Variants in ARHGEF2 observed in about 807,000 individuals in gnomAD.
The protein encoded by ARHGEF2 is rho guanine nucleotide exchange factor 2.
A neutral mutation model predicts 121.0 loss-of-function variants in ARHGEF2; 22 were observed. The ratio of observed to expected loss-of-function variants is 0.18; its 90% CI spans 0.13 to 0.26. The LOEUF (loss-of-function observed/expected upper bound fraction) is 0.26, where lower values mean the gene tolerates loss of function less well. Among genes scored for constraint, ARHGEF2 ranks in the 10% least tolerant of loss-of-function variants. The pLI, the probability that ARHGEF2 is intolerant of heterozygous loss-of-function variation, is 1.00. For missense variants in ARHGEF2, 907 were observed against 1,336.0 expected, an observed-to-expected ratio of 0.68 and a Z score of 5.01; for synonymous variants, 487 against 530.0, an observed-to-expected ratio of 0.92 and a Z score of 1.11.
Position 155,962,542 on chromosome 1 carries a change from G to A in ARHGEF2, c.1101+51C>T. The A allele has an allele frequency of 8.7e-6, 14 of 1,604,842 alleles. No homozygotes were observed. Among genetic ancestry groups the A allele is most frequent in the Non-Finnish European group, 1.1e-5 (13 of 1,175,904 alleles). On this transcript the variant is annotated intron_variant, in intron 9 of 21. Coordinates refer to ENST00000361247, the MANE Select transcript of ARHGEF2 (RefSeq NM_001162383.2). This position sits in a 1 kb window ranked among gnomAD's most constrained non-coding sequence, Gnocchi z 5.8. ...CTCACAGGCACTACCCCCATGAGTT[G>A]GGGAGGGTGGGTTTGGGCCATGAGC...
chr1:155,962,105 C>T lies in ARHGEF2; in HGVS notation c.1219G>A (p.Gly407Arg), dbSNP rs773569302. 23 of 1,614,026 alleles carry T rather than the reference C, an allele frequency of 1.4e-5. No individual in the cohort carries two copies. Among genetic ancestry groups the T allele is most frequent in the East Asian group, 2.2e-5 (1 of 44,888 alleles). The change falls in exon 10 of 22, where the codon GGG becomes AGG. Residue 407 changes from glycine to arginine, a missense_variant and splice_region_variant. Physicochemically the swap from Gly to Arg is moderately radical, Grantham distance 125. Coordinates refer to ENST00000361247, the MANE Select transcript of ARHGEF2 (RefSeq NM_001162383.2). The surrounding 1 kb of genome is among the most constrained non-coding windows in gnomAD (Gnocchi z 5.8). ...LISRILQHSH[G>R]IEEERQDLTT... Reference sequence around the variant, plus strand: ...CCCTCTCCTGGGCCTGCCTACTCACCGTGGGAATGCTGCAGGATGCGGCTG... The same window carrying T: ...CCCTCTCCTGGGCCTGCCTACTCACTGTGGGAATGCTGCAGGATGCGGCTG...
rs986408228 is a variant in ARHGEF2, at chr1:155,978,298, C to T, written c.63+67G>A. ...AGCAGGCGGGGAGACAGGAGATGCA[C>T]CGCGGGTGCCGGGGTTCGGGGAGCA... On this transcript the variant is annotated intron_variant, in intron 1 of 21. Transcript: ENST00000361247. This position sits in a 1 kb window ranked among gnomAD's most constrained non-coding sequence, Gnocchi z 4.1. The T allele has an allele frequency of 7.1e-6, 10 of 1,402,136 alleles. No homozygotes were observed. The African/African-American group carries it at 1.3e-4, about 19-fold the overall frequency. 86.9% of individuals were successfully genotyped at this position (1,402,136 alleles called of 1,614,324 possible). A position where few individuals can be genotyped will look rare whatever the true frequency, so the allele number is the denominator to read the frequency against.
chr1:155,962,833 C>A lies in ARHGEF2; in HGVS notation c.975+100G>T. 5.6e-6 allele frequency: 9 copies of A among 1,596,830 alleles called. No individual in the cohort carries two copies. Among genetic ancestry groups the A allele is most frequent in the Non-Finnish European group, 7.7e-6 (9 of 1,170,046 alleles). The stretch of plus-strand genomic sequence containing the variant: ...CTGGCTTCCTGTTTCTCCAGCTCTC[C>A]CTGGCTCCCCTCCAACCCCTAGAAT... On this transcript the variant is annotated intron_variant, in intron 8 of 21. Transcript: ENST00000361247. The surrounding 1 kb of genome is among the most constrained non-coding windows in gnomAD (Gnocchi z 5.8).
rs552550543 is a variant in ARHGEF2, at chr1:155,963,932, G to A, written c.725-749C>T. Among the ~76,000 whole-genome samples the A allele has an allele frequency of 8.6e-5, 13 of 150,742 alleles. No individual in the cohort carries two copies. The South Asian group carries it at 2.7e-3, about 32-fold the overall frequency. ...GGCCGAGGCGGGTGCATCACCTGAG[G>A]TCAGGTGTTCGAGACCAGCTTGGCC... On this transcript the variant is annotated intron_variant, in intron 7 of 21. Coordinates refer to ENST00000361247, the MANE Select transcript of ARHGEF2 (RefSeq NM_001162383.2).
Position 155,952,717 on chromosome 1 carries a change from G to A in ARHGEF2, c.1895C>T (p.Ala632Val). The change falls in exon 15 of 22, where the codon GCC becomes GTC. Residue 632 changes from alanine (A) to valine (V), a missense_variant. This residue lies in a region of ARHGEF2 where 432 missense variants were observed against 559.5 expected (regional missense o/e 0.77). Transcript: ENST00000361247. Reference sequence around the variant, plus strand: ...AAGGCCCCTGGGCAGGGTGGGCAGGGCCATCCCACTGCCACCATCCTCTTC... The same window carrying A: ...AAGGCCCCTGGGCAGGGTGGGCAGGACCATCCCACTGCCACCATCCTCTTC... The part of the protein sequence containing the change: ...QAEEDGGSGM[A>V]LPTLPRGLFR... 5 of 1,614,216 alleles carry A rather than the reference G, an allele frequency of 3.1e-6. No homozygotes were observed. In the South Asian group the frequency reaches 3.3e-5, roughly 11 times the overall value.
Position 155,966,445 on chromosome 1 carries a change from G to A in ARHGEF2, c.311C>T (p.Ala104Val). The A allele has an allele frequency of 6.2e-7, 1 of 1,614,154 alleles. No homozygotes were observed. Among genetic ancestry groups the A allele is most frequent in the Non-Finnish European group, 8.5e-7 (1 of 1,180,004 alleles). ...QKAALLKNNT[A>V]LQSVSLRSKT... ...ACTTCGAAGAGAAACGGACTGCAAG[G>A]CGGTGTTGTTCTTCAGCAGGGCCGC... Residue 104 changes from alanine (A) to valine (V), a missense_variant, in exon 4 of 22, where the codon GCC (alanine) becomes GTC (valine). By Grantham distance (64) the Ala-to-Val change is moderately conservative. Around this residue, in one of 2 missense-constraint regions of ARHGEF2, gnomAD observed 475 missense variants for 776.5 expected, o/e 0.61. Coordinates refer to ENST00000361247, the MANE Select transcript of ARHGEF2 (RefSeq NM_001162383.2).
intron 11 of ARHGEF2, among the ~76,000 whole-genome samples, chr1:155,959,502 C>T (rs924030192): frequency 1.4e-4 from 21 of 151,672 alleles, no homozygotes; most frequent in Non-Finnish European, 2.8e-4. Context: ...CCTGCCTTGG[C>T]CTGCCGAAGT....
intron 1 of ARHGEF2, chr1:155,972,374 T>C (rs1477231868): frequency 4.4e-6 from 2 of 450,546 alleles, no homozygotes; most frequent in Non-Finnish European, 9.0e-6. Context: ...CTAGTGCTAT[T>C]GTCCCGGAGG....
chr1:155,965,464 T>C lies in ARHGEF2; in HGVS notation c.471-52A>G, dbSNP rs1265907457. The C allele has an allele frequency of 6.2e-7, 1 of 1,602,282 alleles. No individual in the cohort carries two copies. On this transcript the variant is annotated intron_variant, in intron 5 of 21. Transcript: ENST00000361247. The surrounding 1 kb of genome is among the most constrained non-coding windows in gnomAD (Gnocchi z 6.0). ...CACCCCCAGTCGGGCAAAAGATCCC[T>C]TCCCAGGTAGGGAACCAAAGCCAGG...
intron 2 of ARHGEF2, 183 bp downstream of exon 2, chr1:155,968,973 C>T: frequency 1.5e-6 from 1 of 682,564 alleles, no homozygotes; most frequent in Non-Finnish European, 2.4e-6. Flanking sequence ...CATATTCCAA[C>T]AGCCACCACC....
chr1:155,958,539 G>T, intron 11 of ARHGEF2, 143 bp from the exon 12 acceptor site: 1 of 571,442 alleles, frequency 1.7e-6, no homozygotes, highest in South Asian at 2.2e-5. Context: ...CTGGCTGCTT[G>T]CACTTTTTCA....
Position 155,966,871 on chromosome 1 carries a change from G to A in ARHGEF2, c.225C>T (p.Ile75=), listed in dbSNP as rs1558038455. 1.2e-6 allele frequency: 2 copies of A among 1,613,718 alleles called. No individual in the cohort carries two copies. Among genetic ancestry groups the A allele is most frequent in the Admixed American group, 3.3e-5 (2 of 59,982 alleles). The part of the protein sequence containing the change: ...ALICPTCNVT[I]HNRCKDTLAN... The stretch of plus-strand genomic sequence containing the variant: ...CGAGGGTGTCTTTACAGCGGTTGTG[G>A]ATAGTCACATTGCAGGCTGGGAGGG... Residue 75 remains isoleucine (I), a synonymous_variant, in exon 3 of 22, where the codon ATC becomes ATT. Coordinates refer to ENST00000361247, the MANE Select transcript of ARHGEF2 (RefSeq NM_001162383.2).
chr1:155,970,903 C>T, intron 1 of ARHGEF2: 1 of 986,370 alleles, frequency 1.0e-6, no homozygotes, highest in Non-Finnish European at 1.2e-6. Flanking sequence ...AATCCCTTCT[C>T]CCCTCATGCA....
chr1:155,967,030 C>A (rs979766884), intron 2 of ARHGEF2, 143 bp from the exon 3 acceptor site: 15 of 705,272 alleles, frequency 2.1e-5, no homozygotes, highest in Non-Finnish European at 3.5e-5. Flanking sequence ...CATTACCACA[C>A]CCCAGTCCCT....
At position 155,952,725 on chromosome 1, in the gene ARHGEF2, A is replaced by C. The variant is rs531554026; in HGVS notation, c.1887T>G (p.Ser629Arg). 6.2e-7 allele frequency: 1 copy of C among 1,614,184 alleles called. No homozygotes were observed. The highest frequency in any genetic ancestry group is 2.2e-5 in the East Asian group (1 of 44,882). Reference protein sequence around the residue: ...THFQAEEDGGSGMALPTLPRG... With the variant: ...THFQAEEDGGRGMALPTLPRG... The stretch of plus-strand genomic sequence containing the variant: ...TGGGCAGGGTGGGCAGGGCCATCCC[A>C]CTGCCACCATCCTCTTCGGCCTGGA... The change falls in exon 15 of 22, where the codon AGT becomes AGG. Residue 629 changes from serine (S) to arginine (R), a missense_variant. Ser to Arg is a moderately radical substitution (Grantham distance 110). Transcript: ENST00000361247.
chr1:155,957,028 CAAAAAAAATTAA>C (rs1676832400), intron 13 of ARHGEF2, among the ~76,000 whole-genome samples: 3 of 144,872 alleles, frequency 2.1e-5, no homozygotes, highest in Admixed American at 1.4e-4. Context: ...GACTCTGTCT[CAAAAAAAATTAA>C]AAAAAAAAAA....
Position 155,950,467 on chromosome 1 carries a change from C to A in ARHGEF2, c.2719G>T (p.Asp907Tyr). The A allele has an allele frequency of 6.2e-7, 1 of 1,613,810 alleles. No individual in the cohort carries two copies. Among genetic ancestry groups the A allele is most frequent in the South Asian group, 1.1e-5 (1 of 91,058 alleles). The change falls in exon 21 of 22, where the codon GAC becomes TAC. Residue 907 changes from aspartate to tyrosine, a missense_variant. Transcript: ENST00000361247. The surrounding 1 kb of genome is among the most constrained non-coding windows in gnomAD (Gnocchi z 5.2). ...FNPPQPSRGT[D>Y]RLDLPVTTRS... ...GTAGTGACAGGTAGATCCAGGCGGT[C>A]AGTGCCTCGGCTGGGCTGTGGACAG...
At chr1:155,955,249 T>C (rs1436830645) in intron 13 of ARHGEF2, among the ~76,000 whole-genome samples, 1 of 152,030 alleles carries the variant, frequency 6.6e-6, no homozygotes, top group Admixed American at 6.6e-5. Flanking sequence ...CTCAGCCTCC[T>C]GAGTAGCTAG....
intron 1 of ARHGEF2, among the ~76,000 whole-genome samples, chr1:155,972,863 A>C (rs746894786): frequency 6.6e-6 from 1 of 151,744 alleles, no homozygotes; most frequent in Non-Finnish European, 1.5e-5. Flanking sequence ...CATGATGCTC[A>C]CCTAATTTTT....
Sources: gnomAD v4.1 joint callset for allele counts (sites outside exome capture counted in the v4.1 genomes callset) on GRCh38, gnomAD v4.1.1 for gene constraint, gnomAD v4.1.1 regional missense constraint, Gnocchi (gnomAD v3.1) non-coding constraint, MANE v1.5 for transcripts, NCBI Gene and HGNC (gene_info 2026-07-23, HGNC 2026-07-21) for gene names.